Variants in SMOC2 observed in about 807,000 individuals in gnomAD.
The protein encoded by SMOC2 is SPARC-related modular calcium-binding protein 2.
Under a neutral mutation model 61.4 loss-of-function variants are expected in SMOC2, and 39 were observed. The observed-to-expected ratio is 0.64, with a 90% CI of 0.49 to 0.83. The LOEUF (loss-of-function observed/expected upper bound fraction) is 0.83, where lower values mean the gene tolerates loss of function less well. Among genes scored for constraint, SMOC2 ranks in the 40% least tolerant of loss-of-function variants. The pLI is 0.00. For missense variants in SMOC2, 556 were observed against 592.9 expected, an observed-to-expected ratio of 0.94 and a Z score of 0.65; for synonymous variants, 247 against 239.9, an observed-to-expected ratio of 1.03 and a Z score of -0.27.
chr6:168,473,945 C>G (rs1782022322), intron 1 of SMOC2, among the ~76,000 whole-genome samples: 1 of 152,054 alleles, frequency 6.6e-6, no homozygotes, highest in African/African-American at 2.4e-5. Flanking sequence ...TGTCCCTTCC[C>G]AGCTATATGA....
At chr6:168,462,786 G>A (rs771020715) in intron 1 of SMOC2, among the ~76,000 whole-genome samples, 1 of 152,198 alleles carries the variant, frequency 6.6e-6, no homozygotes, top group Non-Finnish European at 1.5e-5. Flanking sequence ...TCTTTAGGAA[G>A]TGACTAACCT....
rs1177518519 is a variant in SMOC2, at chr6:168,526,365, C to T, written c.276C>T (p.Ala92=). ...GNCKDVSRCV[A]ERKYTQEQAR... is the part of the protein sequence containing the mutation. ...CTACAGACGTGTCCAGGTGTGTGGC[C>T]GAAAGGAAGTATACCCAGGAGCAAG... is the stretch of plus-strand genomic sequence containing the variant. Residue 92 remains alanine (A), a synonymous_variant, in exon 3 of 13, where the codon GCC becomes GCT. Transcript: ENST00000356284. The T allele has an allele frequency of 7.4e-6, 12 of 1,614,062 alleles. No individual in the cohort carries two copies. The highest frequency in any genetic ancestry group is 4.0e-5 in the African/African-American group (3 of 74,922).
At chr6:168,563,307 A>G (rs9767043) in intron 7 of SMOC2, among the ~76,000 whole-genome samples, 1 of 151,754 alleles carries the variant, frequency 6.6e-6, no homozygotes, top group Non-Finnish European at 1.5e-5. Context: ...GTGTATATAT[A>G]TGTGTGTATG....
At chr6:168,656,526 A>AAAG (rs1554255380) in intron 11 of SMOC2, among the ~76,000 whole-genome samples, 9 of 120,038 alleles carry the variant, frequency 7.5e-5, no homozygotes, top group South Asian at 6.6e-4. Flanking sequence ...AAAAAAAAAA[A>AAAG]AAAAGAAAAG....
At chr6:168,659,101 G>C (rs937313348) in intron 11 of SMOC2, among the ~76,000 whole-genome samples, 1 of 151,814 alleles carries the variant, frequency 6.6e-6, no homozygotes, top group South Asian at 2.1e-4. Context: ...AGCATGTGGT[G>C]TGTAAACACT....
chr6:168,540,143 T>A (rs1273178642), intron 4 of SMOC2, among the ~76,000 whole-genome samples: 1 of 152,158 alleles, frequency 6.6e-6, no homozygotes, highest in Non-Finnish European at 1.5e-5. Flanking sequence ...TGGACTAAAG[T>A]GTGTAGTGCT....
chr6:168,552,565 T>A (rs1339802902), intron 7 of SMOC2, among the ~76,000 whole-genome samples: 1 of 152,224 alleles, frequency 6.6e-6, no homozygotes, highest in East Asian at 1.9e-4. Flanking sequence ...AGACATAGAA[T>A]ATGGTTGCCA....
intron 2 of SMOC2, among the ~76,000 whole-genome samples, chr6:168,518,652 GGTGT>G (rs367878040): frequency 1.5e-4 from 23 of 148,664 alleles, no homozygotes; most frequent in Middle Eastern, 3.8e-3. Context: ...TGCTTGTGTG[GGTGT>G]GTATGTATGG....
chr6:168,567,072 C>G (rs1784562609), intron 7 of SMOC2, among the ~76,000 whole-genome samples: 1 of 152,164 alleles, frequency 6.6e-6, no homozygotes, highest in African/African-American at 2.4e-5. Flanking sequence ...AGATTAGTCT[C>G]AACTAAAAGG....
At chr6:168,488,767 A>G (rs1247990191) in intron 1 of SMOC2, among the ~76,000 whole-genome samples, 1 of 151,624 alleles carries the variant, frequency 6.6e-6, no homozygotes, top group Non-Finnish European at 1.5e-5. Flanking sequence ...TTTAGAATGA[A>G]ATATATCGAA....
Position 168,587,830 on chromosome 6 carries a change from T to C in SMOC2, c.638-10988T>C, listed in dbSNP as rs192424009. Among the ~76,000 whole-genome samples, 916 of 152,304 alleles carry C rather than the reference T, an allele frequency of 6.0e-3. 12 individuals carry two copies. Among genetic ancestry groups the C allele is most frequent in the Middle Eastern group, 0.031 (9 of 294 alleles). On this transcript the variant is annotated intron_variant, in intron 7 of 12. Coordinates refer to ENST00000356284, the MANE Select transcript of SMOC2 (RefSeq NM_001166412.2). ...TGCCGAACACAGTTCCTGGCTTGAC[T>C]TCCCTTTGGCTTCGTGACTTTGGGG... is the stretch of plus-strand genomic sequence containing the variant.
chr6:168,536,836 G>A (rs764512188), intron 4 of SMOC2, among the ~76,000 whole-genome samples: 1 of 152,220 alleles, frequency 6.6e-6, no homozygotes, highest in Non-Finnish European at 1.5e-5. Flanking sequence ...GTGAGGCTCA[G>A]GGATGGGACC....
chr6:168,647,081 G>A (rs1360016712), intron 9 of SMOC2, among the ~76,000 whole-genome samples: 1 of 152,222 alleles, frequency 6.6e-6, no homozygotes, highest in Non-Finnish European at 1.5e-5. Context: ...CCAGGTGGGA[G>A]TGTGTATGGG....
At chr6:168,446,921 A>C (rs1022349122) in intron 1 of SMOC2, among the ~76,000 whole-genome samples, 2 of 152,184 alleles carry the variant, frequency 1.3e-5, no homozygotes, top group Non-Finnish European at 2.9e-5. Context: ...TTTTATTTTG[A>C]TTTTTATTAT....
At chr6:168,512,160 A>T (rs1457027036) in intron 2 of SMOC2, among the ~76,000 whole-genome samples, 1 of 152,056 alleles carries the variant, frequency 6.6e-6, no homozygotes, top group East Asian at 1.9e-4. Context: ...CCCGAGAGGG[A>T]AGTAGGTGGA....
intron 8 of SMOC2, among the ~76,000 whole-genome samples, chr6:168,607,668 A>ATCTAAATC (rs1785735354): frequency 6.6e-6 from 1 of 151,774 alleles, no homozygotes. Context: ...TGCTACAGGA[A>ATCTAAATC]TCTAAATCCT....
rs1787172922 is a variant in SMOC2, at chr6:168,650,779, G to A, written c.1006G>A (p.Gly336Ser). 2 of 1,610,466 alleles carry A rather than the reference G, an allele frequency of 1.2e-6. No individual in the cohort carries two copies. Among genetic ancestry groups the A allele is most frequent in the Non-Finnish European group, 8.5e-7 (1 of 1,179,700 alleles). Residue 336 changes from glycine to serine, a missense_variant, in exon 10 of 13, where the codon GGC becomes AGC. Transcript: ENST00000356284. ...HAASDPSSSSGRLSEPDPSHT... is the reference protein window; with the variant it reads ...HAASDPSSSSSRLSEPDPSHT... ...CGCCTCCGACCCCTCCTCCTCGTCAGGCAGGTACGCTGTGTTCGCCGTGGG... is the reference window on the plus strand; with the variant it reads ...CGCCTCCGACCCCTCCTCCTCGTCAAGCAGGTACGCTGTGTTCGCCGTGGG...
chr6:168,466,508 G>A (rs985516576), intron 1 of SMOC2, among the ~76,000 whole-genome samples: 18 of 152,206 alleles, frequency 1.2e-4, no homozygotes, highest in African/African-American at 4.3e-4. Flanking sequence ...ATTGGAGGGG[G>A]CATTCATTGT....
chr6:168,475,313 T>C lies in SMOC2; in HGVS notation c.84+33859T>C, dbSNP rs1782053829. On this transcript the variant is annotated intron_variant, in intron 1 of 12. Coordinates refer to ENST00000356284, the MANE Select transcript of SMOC2 (RefSeq NM_001166412.2). This position sits in a 1 kb window ranked among gnomAD's most constrained non-coding sequence, Gnocchi z 4.6. Reference sequence around the variant, plus strand: ...GTCACATTTCAATGCCTTTCCTTCCTCTTCTCTGTGGACGTAGATTAAATT... The same window carrying C: ...GTCACATTTCAATGCCTTTCCTTCCCCTTCTCTGTGGACGTAGATTAAATT... Among the ~76,000 whole-genome samples, 1 of 152,126 alleles carries C rather than the reference T, an allele frequency of 6.6e-6. No homozygotes were observed. Among genetic ancestry groups the C allele is most frequent in the African/African-American group, 2.4e-5 (1 of 41,432 alleles).
Sources: allele counts gnomAD v4.1 joint callset (sites outside exome capture counted in the v4.1 genomes callset), GRCh38; gene constraint gnomAD v4.1.1; non-coding constraint Gnocchi (gnomAD v3.1); transcripts MANE v1.5; gene names NCBI Gene and HGNC (gene_info 2026-07-23, HGNC 2026-07-21).